The following NIPAL3 variants were observed in gnomAD, a reference collection of about 807,000 sequenced individuals.
NIPAL3 encodes the protein NIPA-like protein 3.
Under a neutral mutation model 47.2 loss-of-function variants are expected in NIPAL3, and 41 were observed. That is an observed-to-expected ratio of 0.87 (90% CI 0.68 to 1.13). The LOEUF is 1.13. Ranked by LOEUF, NIPAL3 falls within the 50% of genes most tolerant of loss-of-function variation. The probability of loss-of-function intolerance (pLI) is 0.00; values close to 1 mark genes in which losing one functional copy is unlikely to be tolerated. For missense variants in NIPAL3, 449 were observed against 530.1 expected, an observed-to-expected ratio of 0.85 and a Z score of 1.50; for synonymous variants, 194 against 209.6, an observed-to-expected ratio of 0.93 and a Z score of 0.64.
chr1:24,444,498 T>G (rs113592914), intron 4 of NIPAL3, among the ~76,000 whole-genome samples: 1 of 152,172 alleles, frequency 6.6e-6, no homozygotes, highest in South Asian at 2.1e-4. Context: ...AACAAAATAT[T>G]TAACATTCTA....
chr1:24,456,082 C>T lies in NIPAL3; in HGVS notation c.638-56C>T, dbSNP rs148186183. 6.3e-4 allele frequency: 1,012 copies of T among 1,607,366 alleles called. 2 individuals carry two copies. Among genetic ancestry groups the T allele is most frequent in the Middle Eastern group, 1.8e-3 (11 of 6,044 alleles). On this transcript the variant is annotated intron_variant, in intron 7 of 11. Coordinates refer to ENST00000374399, the MANE Select transcript of NIPAL3 (RefSeq NM_020448.5). Reference sequence around the variant, plus strand: ...TGGGGTTATAGACTGGCTTTCCGGACCTAACTCTCTGCATTTCCCTGAGGC... The same window carrying T: ...TGGGGTTATAGACTGGCTTTCCGGATCTAACTCTCTGCATTTCCCTGAGGC...
Position 24,438,046 on chromosome 1 carries a change from G to A in NIPAL3, c.94-2126G>A, listed in dbSNP as rs562300703. Among the ~76,000 whole-genome samples, 5 of 152,250 alleles carry A rather than the reference G, an allele frequency of 3.3e-5. No individual in the cohort carries two copies. In the South Asian group the frequency reaches 8.3e-4, roughly 25 times the overall value. On this transcript the variant is annotated intron_variant, in intron 2 of 11. Coordinates refer to ENST00000374399, the MANE Select transcript of NIPAL3 (RefSeq NM_020448.5). ...CTGAGAGCCTCTAACATGCTCTGGG[G>A]GCCTCCCAGCAGTGGGTAGAGGATG... is the stretch of plus-strand genomic sequence containing the variant.
chr1:24,455,668 A>G lies in NIPAL3; in HGVS notation c.638-470A>G, dbSNP rs565035353. On this transcript the variant is annotated intron_variant, in intron 7 of 11. Coordinates refer to ENST00000374399, the MANE Select transcript of NIPAL3 (RefSeq NM_020448.5). ...ACCCTGTTGTCCACAAAAAGGAAAA[A>G]AAAAAATACAACAACAACAAAAAAT... 3.8e-4 allele frequency among the ~76,000 whole-genome samples: 58 copies of G among 152,292 alleles called. 1 individual carries two copies. The South Asian group carries it at 0.012, about 30-fold the overall frequency.
intron 5 of NIPAL3, 97 bp downstream of exon 5, chr1:24,445,341 C>A (rs1645608353): frequency 2.4e-6 from 2 of 823,610 alleles, no homozygotes; most frequent in African/African-American, 1.7e-5. Flanking sequence ...TATCTGCCTC[C>A]TGCTGTCCTC....
chr1:24,442,250 T>G, intron 4 of NIPAL3, 24 bp downstream of exon 4: 1 of 1,605,348 alleles, frequency 6.2e-7, no homozygotes, highest in South Asian at 1.1e-5. Flanking sequence ...TGCCCCACCC[T>G]CCCCTGGGGT....
At position 24,451,410 on chromosome 1, in the gene NIPAL3, A is replaced by AGG. The variant is rs1645929067; in HGVS notation, c.540+1784_540+1785insGG. On this transcript the variant is annotated intron_variant, in intron 6 of 11. Transcript: ENST00000374399. The surrounding 1 kb of genome is among the most constrained non-coding windows in gnomAD (Gnocchi z 4.5). ...CAGTGTTCATTTTAGAATCATGGAGAACGGGCCACATGTGGTGGCTCACAC... is the reference window on the plus strand; with the variant it reads ...CAGTGTTCATTTTAGAATCATGGAGAGGACGGGCCACATGTGGTGGCTCACAC... 6.6e-6 allele frequency among the ~76,000 whole-genome samples: 1 copy of AGG among 152,158 alleles called. No individual in the cohort carries two copies. Among genetic ancestry groups the AGG allele is most frequent in the Non-Finnish European group, 1.5e-5 (1 of 68,022 alleles).
chr1:24,419,648 C>T lies in NIPAL3; in HGVS notation c.93+8C>T. 1.2e-6 allele frequency: 2 copies of T among 1,612,360 alleles called. No homozygotes were observed. Among genetic ancestry groups the T allele is most frequent in the Non-Finnish European group, 1.7e-6 (2 of 1,178,860 alleles). On this transcript the variant is annotated splice_region_variant and intron_variant, in intron 2 of 11. Coordinates refer to ENST00000374399, the MANE Select transcript of NIPAL3 (RefSeq NM_020448.5). ...GCCTCCTTCTCCTACAAGGCAAGGG[C>T]TTTTTTGGGGTTTGGGAATTTGTAT...
Position 24,471,578 on chromosome 1 carries a change from C to CAA in NIPAL3, c.*2412_*2413dup, listed in dbSNP as rs10664394. The CAA allele has an allele frequency of 0.48, 36,859 of 76,662 alleles. 8,217 individuals carry two copies. The highest frequency in any genetic ancestry group is 0.69 in the East Asian group (2,110 of 3,048). 4.7% of individuals were successfully genotyped at this position (76,662 alleles called of 1,614,324 possible). ...CCTGGGTGACAATGAGACCATGGCT[C>CAA]AAAAAAAAAAAAAAAAAAAAGATAA... On this transcript the variant is annotated 3_prime_UTR_variant, in exon 12 of 12. Coordinates refer to ENST00000374399, the MANE Select transcript of NIPAL3 (RefSeq NM_020448.5).
chr1:24,445,908 G>A (rs1557514672), intron 5 of NIPAL3, among the ~76,000 whole-genome samples: 1 of 152,196 alleles, frequency 6.6e-6, no homozygotes, highest in Non-Finnish European at 1.5e-5. Context: ...AATAGGGCAA[G>A]AGGCAGAAGT....
Position 24,469,340 on chromosome 1 carries a change from T to G in NIPAL3, c.*155T>G. On this transcript the variant is annotated 3_prime_UTR_variant, in exon 12 of 12. Transcript: ENST00000374399. ...CCTTTGTCTCTGGGAAAGGATGCGT[T>G]ATCTTGGTCTTGGAAATTTCAAATG... 1.6e-6 allele frequency: 1 copy of G among 633,298 alleles called. No homozygotes were observed. The highest frequency in any genetic ancestry group is 2.8e-5 in the East Asian group (1 of 36,358). The allele number at this position is 633,298 out of a possible 1,614,324, so 39.2% of individuals were successfully genotyped here. A position where few individuals can be genotyped will look rare whatever the true frequency, so the allele number is the denominator to read the frequency against.
intron 11 of NIPAL3, among the ~76,000 whole-genome samples, chr1:24,468,636 A>T (rs1646796985): frequency 1.3e-5 from 2 of 152,196 alleles, no homozygotes; most frequent in Admixed American, 6.5e-5. Context: ...GATTTAATTC[A>T]GCAGTGAAGC....
At chr1:24,466,908 A>G (rs1299809459) in intron 11 of NIPAL3, among the ~76,000 whole-genome samples, 1 of 152,198 alleles carries the variant, frequency 6.6e-6, no homozygotes, top group Non-Finnish European at 1.5e-5. Flanking sequence ...AGTCTTATGC[A>G]ATAGGGAGCC....
chr1:24,468,141 C>T (rs1404496302), intron 11 of NIPAL3, among the ~76,000 whole-genome samples: 1 of 151,766 alleles, frequency 6.6e-6, no homozygotes, highest in African/African-American at 2.4e-5. Flanking sequence ...CCCCATCTCT[C>T]CCCCTCAAAA....
chr1:24,439,255 T>C (rs1645268018), intron 2 of NIPAL3, among the ~76,000 whole-genome samples: 1 of 152,192 alleles, frequency 6.6e-6, no homozygotes, highest in Non-Finnish European at 1.5e-5. Flanking sequence ...AAAGCAATGA[T>C]ATAAAATATG....
In NIPAL3 at chr1:24,454,052, A is replaced by C; in HGVS notation, c.637+548A>C. 3 of 525,806 alleles carry C rather than the reference A, an allele frequency of 5.7e-6. No homozygotes were observed. Among genetic ancestry groups the C allele is most frequent in the South Asian group, 3.1e-5 (2 of 64,008 alleles). 32.6% of individuals were successfully genotyped at this position (525,806 alleles called of 1,614,324 possible). On this transcript the variant is annotated intron_variant, in intron 7 of 11. Coordinates refer to ENST00000374399, the MANE Select transcript of NIPAL3 (RefSeq NM_020448.5). This position sits in a 1 kb window ranked among gnomAD's most constrained non-coding sequence, Gnocchi z 4.1. ...TTTCCTTTTTTTTTTTTTTTGAGAC[A>C]GTCTTGCTCTGTCACCCAGGCTGGA...
chr1:24,415,892 GGA>G lies in NIPAL3; in HGVS notation c.-267_-266del. 1.0e-6 allele frequency: 1 copy of G among 985,416 alleles called. No homozygotes were observed. The highest frequency in any genetic ancestry group is 1.1e-4 in the East Asian group (1 of 8,804). The allele number at this position is 985,416 out of a possible 1,614,324, so 61.0% of individuals were successfully genotyped here. ...AAGGTTTTGATAGGTGGGCCTTAGA[GGA>G]GACGCCGCCGGTGAGTAGTGATTAA... On this transcript the variant is annotated 5_prime_UTR_variant, in exon 1 of 12. It introduces an in-frame stop codon into an upstream open reading frame of the 5' UTR. Transcript: ENST00000374399.
Position 24,443,368 on chromosome 1 carries a change from A to ATGCTC in NIPAL3, c.334+1154_334+1158dup, listed in dbSNP as rs1421004719. On this transcript the variant is annotated intron_variant, in intron 4 of 11. Coordinates refer to ENST00000374399, the MANE Select transcript of NIPAL3 (RefSeq NM_020448.5). ...TGCTGGCAAGCACTACTCTGCCCAG[A>ATGCTC]TGCTCTGCTCTGCTCTTAAAGGAGA... 2.0e-5 allele frequency among the ~76,000 whole-genome samples: 3 copies of ATGCTC among 152,326 alleles called. No homozygotes were observed. In the East Asian group the frequency reaches 5.8e-4, roughly 29 times the overall value.
At chr1:24,455,416 G>C (rs762253967) in intron 7 of NIPAL3, among the ~76,000 whole-genome samples, 2 of 152,234 alleles carry the variant, frequency 1.3e-5, no homozygotes, top group Non-Finnish European at 2.9e-5. Flanking sequence ...TACCATTTAA[G>C]TTCAGGGTCA....
At position 24,472,332 on chromosome 1, in the gene NIPAL3, A is replaced by G. The variant is rs562530929; in HGVS notation, c.*3147A>G. 7 of 152,234 alleles carry G rather than the reference A, an allele frequency of 4.6e-5. No homozygotes were observed. In the East Asian group the frequency reaches 9.7e-4, roughly 21 times the overall value. 9.4% of individuals were successfully genotyped at this position (152,234 alleles called of 1,614,324 possible). On this transcript the variant is annotated 3_prime_UTR_variant, in exon 12 of 12. Transcript: ENST00000374399. ...ATCTGTCTTGGGCTGGTTCCTCCCA[A>G]TCTTTGTCCAGTGGTATAAATGGAC...
Sources: gnomAD v4.1 joint callset for allele counts (sites outside exome capture counted in the v4.1 genomes callset) on GRCh38, gnomAD v4.1.1 for gene constraint, Gnocchi (gnomAD v3.1) non-coding constraint, MANE v1.5 for transcripts, NCBI Gene and HGNC (gene_info 2026-07-23, HGNC 2026-07-21) for gene names.